TMEM232: variants seen among roughly 807,000 people sequenced by gnomAD.
TMEM232 encodes the protein transmembrane protein 232.
Under a neutral mutation model 78.8 loss-of-function variants are expected in TMEM232, and 80 were observed. That is an observed-to-expected ratio of 1.01 (90% CI 0.85 to 1.22). TMEM232 has a LOEUF of 1.22. Ranked by LOEUF, TMEM232 falls within the 50% of genes most tolerant of loss-of-function variation. The probability of loss-of-function intolerance (pLI) is 0.00; values close to 1 mark genes in which losing one functional copy is unlikely to be tolerated. For missense variants in TMEM232, 881 were observed against 742.2 expected (o/e 1.19, Z -2.17); for synonymous variants, 297 against 254.3 (o/e 1.17, Z -1.60).
At chr5:110,498,682 A>G (rs1260509293) in intron 12 of TMEM232, among the ~76,000 whole-genome samples, 1 of 152,166 alleles carries the variant, frequency 6.6e-6, no homozygotes, top group Non-Finnish European at 1.5e-5. Flanking sequence ...CATATGCAGA[A>G]TGGCTAATAC....
intron 11 of TMEM232, among the ~76,000 whole-genome samples, chr5:110,556,614 C>T (rs1363290754): frequency 6.6e-6 from 1 of 152,072 alleles, no homozygotes. Context: ...GTCTTGAACT[C>T]GAGCTCCGGT....
At chr5:110,717,103 T>C (rs1351861368) in intron 1 of TMEM232, among the ~76,000 whole-genome samples, 2 of 152,018 alleles carry the variant, frequency 1.3e-5, no homozygotes, top group African/African-American at 4.8e-5. Flanking sequence ...ACTGTAAAAT[T>C]TATTCTTCTC....
intron 12 of TMEM232, among the ~76,000 whole-genome samples, chr5:110,461,421 C>T (rs930279079): frequency 2.0e-5 from 3 of 152,186 alleles, no homozygotes; most frequent in African/African-American, 4.8e-5. Context: ...AATCCAGCAG[C>T]GGTTGGTCCA....
At position 110,644,199 on chromosome 5, in the gene TMEM232, T is replaced by G. The variant is rs1394017001; in HGVS notation, c.126-1828A>C. On this transcript the variant is annotated intron_variant, in intron 2 of 13. Coordinates refer to ENST00000455884, the MANE Select transcript of TMEM232 (RefSeq NM_001039763.4). ...CATTCCATTCTTGCTTTTGAAGATA[T>G]TTGGTGAACACTGGCTGAAAATTGT... Among the ~76,000 whole-genome samples the G allele has an allele frequency of 3.3e-5, 5 of 151,914 alleles. No individual in the cohort carries two copies. In the East Asian group the frequency reaches 9.6e-4, roughly 29 times the overall value.
chr5:110,736,628 C>G (rs1025063653), intron 1 of TMEM232, among the ~76,000 whole-genome samples: 1 of 151,982 alleles, frequency 6.6e-6, no homozygotes, highest in Non-Finnish European at 1.5e-5. Flanking sequence ...CACTATCACT[C>G]GAGATGAAAT....
At chr5:110,686,885 G>A (rs1444733745) in intron 1 of TMEM232, among the ~76,000 whole-genome samples, 1 of 152,032 alleles carries the variant, frequency 6.6e-6, no homozygotes, top group South Asian at 2.1e-4. Context: ...TTCCTTTCAC[G>A]GTCATTGTTA....
intron 12 of TMEM232, 27 bp downstream of exon 12, chr5:110,528,561 A>T: frequency 6.7e-7 from 1 of 1,502,674 alleles, no homozygotes; most frequent in Non-Finnish European, 8.8e-7. Context: ...GTATTAGAAC[A>T]ATAAAACCGA....
intron 12 of TMEM232, among the ~76,000 whole-genome samples, chr5:110,427,418 T>G (rs1005241279): frequency 1.3e-5 from 2 of 151,952 alleles, no homozygotes; most frequent in African/African-American, 4.8e-5. Context: ...TATTATCAAT[T>G]GTAAGAAAAA....
chr5:110,417,656 T>C (rs1580588246), downstream of TMEM232: 1 of 116,590 alleles, frequency 8.6e-6, no homozygotes, highest in African/African-American at 3.9e-5. Flanking sequence ...GTAAAATAAA[T>C]AAGCAGAAAA....
intron 2 of TMEM232, among the ~76,000 whole-genome samples, chr5:110,654,887 A>G (rs1000811624): frequency 1.3e-5 from 2 of 152,110 alleles, no homozygotes; most frequent in South Asian, 2.1e-4. Flanking sequence ...TGGATTCCTA[A>G]GTATTTTATT....
chr5:110,619,967 C>T (rs1783426519), intron 7 of TMEM232, among the ~76,000 whole-genome samples: 2 of 151,760 alleles, frequency 1.3e-5, no homozygotes, highest in Admixed American at 6.6e-5. Context: ...CGGAGTGACT[C>T]GAATGGTTAA....
chr5:110,621,946 T>C (rs572065954), intron 7 of TMEM232, among the ~76,000 whole-genome samples: 3 of 152,286 alleles, frequency 2.0e-5, no homozygotes, highest in Middle Eastern at 6.8e-3. Context: ...AGTACATAAA[T>C]TATGAGTGTC....
At chr5:110,480,685 G>T (rs1388762564) in intron 12 of TMEM232, among the ~76,000 whole-genome samples, 1 of 152,026 alleles carries the variant, frequency 6.6e-6, no homozygotes, top group African/African-American at 2.4e-5. Flanking sequence ...ATGGCAGGCA[G>T]ATTTCAAAGA....
intron 11 of TMEM232, among the ~76,000 whole-genome samples, chr5:110,545,977 C>T (rs915046369): frequency 6.6e-6 from 1 of 152,100 alleles, no homozygotes; most frequent in African/African-American, 2.4e-5. Flanking sequence ...GTTTATTATG[C>T]CACTGTGAGT....
intron 10 of TMEM232, among the ~76,000 whole-genome samples, chr5:110,570,707 G>A (rs1043167761): frequency 6.6e-6 from 1 of 151,964 alleles, no homozygotes; most frequent in African/African-American, 2.4e-5. Flanking sequence ...TCATCTTCCT[G>A]TCTTATTATT....
chr5:110,622,475 AATG>A (rs1382370751), intron 7 of TMEM232, among the ~76,000 whole-genome samples: 1 of 152,190 alleles, frequency 6.6e-6, no homozygotes, highest in African/African-American at 2.4e-5. Flanking sequence ...GTTTACTGAG[AATG>A]ATGATTTCCA....
chr5:110,432,116 T>C (rs976456713), intron 12 of TMEM232, among the ~76,000 whole-genome samples: 1 of 151,746 alleles, frequency 6.6e-6, no homozygotes, highest in Non-Finnish European at 1.5e-5. Flanking sequence ...GACATGCAGA[T>C]ACAAGCAATC....
chr5:110,597,996 A>C (rs573608164), intron 10 of TMEM232, among the ~76,000 whole-genome samples: 1 of 152,214 alleles, frequency 6.6e-6, no homozygotes, highest in Non-Finnish European at 1.5e-5. Flanking sequence ...TGGCAACAGA[A>C]GCCAAAATTG....
chr5:110,480,423 C>G (rs1247549493), intron 12 of TMEM232, among the ~76,000 whole-genome samples: 2 of 151,958 alleles, frequency 1.3e-5, no homozygotes, highest in Non-Finnish European at 2.9e-5. Flanking sequence ...TAATGACAGA[C>G]AATGTAAACA....
Sources: allele counts gnomAD v4.1 joint callset (sites outside exome capture counted in the v4.1 genomes callset), GRCh38; gene constraint gnomAD v4.1.1; transcripts MANE v1.5; gene names NCBI Gene and HGNC (gene_info 2026-07-23, HGNC 2026-07-21).